The following WASF3 variants were observed in gnomAD, a reference collection of about 807,000 sequenced individuals.
WASF3 encodes actin-binding protein WASF3.
In WASF3, 11 loss-of-function variants were observed where a neutral mutation model predicts 46.6. The observed-to-expected ratio is 0.24, with a 90% CI of 0.15 to 0.39. The LOEUF (loss-of-function observed/expected upper bound fraction) is 0.39, where lower values mean the gene tolerates loss of function less well. WASF3 is among the 10% of genes least tolerant of loss of function. The probability of loss-of-function intolerance (pLI) is 1.00; values close to 1 mark genes in which losing one functional copy is unlikely to be tolerated. For missense variants in WASF3, 576 were observed against 669.8 expected, an observed-to-expected ratio of 0.86 and a Z score of 1.55; for synonymous variants, 242 against 259.7, an observed-to-expected ratio of 0.93 and a Z score of 0.65.
At chr13:26,600,958 G>A (rs1880624531) in intron 1 of WASF3, among the ~76,000 whole-genome samples, 1 of 152,120 alleles carries the variant, frequency 6.6e-6, no homozygotes, top group South Asian at 2.1e-4. Flanking sequence ...GTTCTCTTAG[G>A]TTGAAAATGC....
upstream of WASF3, among the ~76,000 whole-genome samples, chr13:26,553,295 C>T (rs1879008388): frequency 6.6e-6 from 1 of 152,086 alleles, no homozygotes; most frequent in Non-Finnish European, 1.5e-5. Flanking sequence ...ATACCAGCAT[C>T]GTATACCAGG....
chr13:26,631,666 GT>G (rs1881655396), intron 2 of WASF3, among the ~76,000 whole-genome samples: 1 of 151,976 alleles, frequency 6.6e-6, no homozygotes, highest in African/African-American at 2.4e-5. Context: ...CTCTTTTTTC[GT>G]TCCATATGAA....
chr13:26,652,869 A>G (rs1200471586), intron 3 of WASF3, among the ~76,000 whole-genome samples: 3 of 149,818 alleles, frequency 2.0e-5, no homozygotes, highest in Admixed American at 6.7e-5. Context: ...ATGTTATGTT[A>G]GAAAAGAAGA....
intron 1 of WASF3, 130 bp downstream of exon 1, chr13:26,557,949 C>T (rs1476969502): frequency 8.1e-6 from 2 of 247,014 alleles, no homozygotes; most frequent in Non-Finnish European, 1.5e-5. Flanking sequence ...GCCGCGCGCT[C>T]CGGCCGGGCG....
At chr13:26,663,865 C>T (rs1318280623) in intron 3 of WASF3, among the ~76,000 whole-genome samples, 1 of 152,144 alleles carries the variant, frequency 6.6e-6, no homozygotes, top group Non-Finnish European at 1.5e-5. Flanking sequence ...AGTTAGAAGA[C>T]CATATTTTTG....
rs139408332 is a variant in WASF3, at chr13:26,685,672, C to T, written c.1352-16C>T. 5.4e-3 allele frequency: 8,739 copies of T among 1,612,654 alleles called. 263 individuals are homozygous for T. The highest frequency in any genetic ancestry group is 0.051 in the Admixed American group (3,048 of 59,996). ...AGCAAAAGGATGTGATTCTGAACCA[C>T]GTGTTGTGTCTGCAGGAATTCAACT... On this transcript the variant is annotated splice_polypyrimidine_tract_variant and intron_variant, in intron 9 of 9. Coordinates refer to ENST00000335327, the MANE Select transcript of WASF3 (RefSeq NM_006646.6).
intron 3 of WASF3, among the ~76,000 whole-genome samples, chr13:26,646,678 A>C (rs1223264793): frequency 1.3e-5 from 2 of 152,196 alleles, no homozygotes; most frequent in African/African-American, 4.8e-5. Context: ...CTTAGGGGAA[A>C]CACCAGTGCA....
chr13:26,576,808 C>A, intron 1 of WASF3: 1 of 418,350 alleles, frequency 2.4e-6, no homozygotes. Context: ...ATTCTTTACC[C>A]AGCTTCCTCC....
At chr13:26,553,982 T>TTTTTC (rs1177144871), upstream of WASF3, among the ~76,000 whole-genome samples, 3 of 151,942 alleles carry the variant, frequency 2.0e-5, no homozygotes, top group East Asian at 1.9e-4. Flanking sequence ...TCCCCAAAAC[T>TTTTTC]TTTTCTTTTC....
At chr13:26,629,489 C>T (rs944975827) in intron 2 of WASF3, among the ~76,000 whole-genome samples, 1 of 152,188 alleles carries the variant, frequency 6.6e-6, no homozygotes, top group Admixed American at 6.5e-5. Flanking sequence ...TCCACTGTCT[C>T]TGAGGGCCAT....
the WASF3 span, among the ~76,000 whole-genome samples, chr13:26,551,184 G>T: frequency 6.6e-6 from 1 of 152,170 alleles, no homozygotes; most frequent in South Asian, 2.1e-4. Context: ...CTTCTGCCAT[G>T]ATTCTAAGTT....
intron 1 of WASF3, among the ~76,000 whole-genome samples, chr13:26,601,424 G>T (rs1253311004): frequency 6.6e-6 from 1 of 152,166 alleles, no homozygotes; most frequent in Non-Finnish European, 1.5e-5. Context: ...CAGAGATGAG[G>T]CCTGCCTTTG....
At chr13:26,650,078 G>A (rs1441494002) in intron 3 of WASF3, among the ~76,000 whole-genome samples, 5 of 151,968 alleles carry the variant, frequency 3.3e-5, no homozygotes, top group Non-Finnish European at 4.4e-5. Flanking sequence ...GAAAAAAAGC[G>A]CCCAAAACAT....
chr13:26,549,042 C>T, the WASF3 span, among the ~76,000 whole-genome samples: 6 of 150,042 alleles, frequency 4.0e-5, no homozygotes, highest in Non-Finnish European at 8.9e-5. Flanking sequence ...AGTGCTGTGG[C>T]GTGATCTCGG....
At chr13:26,592,846 G>A (rs7326968) in intron 1 of WASF3, among the ~76,000 whole-genome samples, 7,522 of 152,076 alleles carry the variant, frequency 0.049, 643 homozygotes, top group African/African-American at 0.17. Flanking sequence ...GTGTATGCGT[G>A]TGCCTGTCTC....
intron 1 of WASF3, among the ~76,000 whole-genome samples, chr13:26,595,501 C>T (rs1310466413): frequency 6.6e-6 from 1 of 152,158 alleles, no homozygotes; most frequent in Non-Finnish European, 1.5e-5. Flanking sequence ...ACCTTATTCA[C>T]TGTTCACTGT....
chr13:26,661,978 G>T (rs948799589), intron 3 of WASF3, among the ~76,000 whole-genome samples: 6 of 152,166 alleles, frequency 3.9e-5, no homozygotes, highest in African/African-American at 1.2e-4. Context: ...TGAGGAAGGG[G>T]GTGCCCATGC....
At chr13:26,661,260 C>G (rs548160501) in intron 3 of WASF3, among the ~76,000 whole-genome samples, 10 of 152,174 alleles carry the variant, frequency 6.6e-5, no homozygotes, top group Non-Finnish European at 1.3e-4. Flanking sequence ...ACTCTGCGCT[C>G]GTTACAGAAC....
intron 6 of WASF3, among the ~76,000 whole-genome samples, chr13:26,674,152 G>A (rs754107858): frequency 4.6e-5 from 7 of 152,150 alleles, no homozygotes; most frequent in East Asian, 1.9e-4. Context: ...GTTCGCATGC[G>A]CTTGTGTGTC....
Sources: gnomAD v4.1 joint callset for allele counts (sites outside exome capture counted in the v4.1 genomes callset) on GRCh38, gnomAD v4.1.1 for gene constraint, MANE v1.5 for transcripts, NCBI Gene and HGNC (gene_info 2026-07-23, HGNC 2026-07-21) for gene names.